SPIDR: variants seen among roughly 807,000 people sequenced by gnomAD.
SPIDR encodes the protein DNA repair-scaffolding protein.
Under a neutral mutation model 104.6 loss-of-function variants are expected in SPIDR, and 93 were observed. That is an observed-to-expected ratio of 0.89 (90% confidence interval 0.75 to 1.06). The LOEUF (loss-of-function observed/expected upper bound fraction) is 1.06, where lower values mean the gene tolerates loss of function less well. SPIDR is among the 50% of genes least tolerant of loss of function. The pLI is 0.00. For missense variants in SPIDR, 1,154 were observed against 1,111.2 expected (o/e 1.04, Z -0.55); for synonymous variants, 431 against 416.9 (o/e 1.03, Z -0.41).
intron 6 of SPIDR, among the ~76,000 whole-genome samples, chr8:47,403,053 G>A (rs557842155): frequency 1.8e-4 from 27 of 152,246 alleles, no homozygotes; most frequent in African/African-American, 5.3e-4. Flanking sequence ...TTCAGCATAC[G>A]CAAATCAGTA....
chr8:47,430,445 G>A (rs905272889), intron 7 of SPIDR, among the ~76,000 whole-genome samples: 2 of 152,138 alleles, frequency 1.3e-5, no homozygotes, highest in South Asian at 2.1e-4. Flanking sequence ...TATGGCAGGG[G>A]CCGGATTGAT....
intron 10 of SPIDR, among the ~76,000 whole-genome samples, chr8:47,647,661 AGAGAGAGG>A (rs1563416283): frequency 9.1e-5 from 13 of 143,362 alleles, no homozygotes; most frequent in South Asian, 6.9e-4. Context: ...AGAGGGAGAG[AGAGAGAGG>A]GAGAGAGGGA....
intron 8 of SPIDR, among the ~76,000 whole-genome samples, chr8:47,564,709 G>T (rs892638472): frequency 6.6e-6 from 1 of 151,038 alleles, no homozygotes; most frequent in Admixed American, 6.6e-5. Flanking sequence ...AAAGAATTCA[G>T]TAGTTAAGGA....
intron 8 of SPIDR, among the ~76,000 whole-genome samples, chr8:47,594,787 A>C (rs1488810267): frequency 6.6e-6 from 1 of 152,100 alleles, no homozygotes; most frequent in East Asian, 1.9e-4. Context: ...TGAAGTCAGG[A>C]GTTTGAGACC....
chr8:47,274,535 G>T (rs1240832379), intron 1 of SPIDR, among the ~76,000 whole-genome samples: 2 of 151,610 alleles, frequency 1.3e-5, no homozygotes, highest in South Asian at 2.1e-4. Context: ...TTGATAGTTT[G>T]GCCGGGAATA....
intron 5 of SPIDR, among the ~76,000 whole-genome samples, chr8:47,350,394 A>G (rs1554621616): frequency 1.3e-5 from 2 of 152,116 alleles, no homozygotes. Flanking sequence ...GCCCACTGCA[A>G]CCTCTACCTC....
chr8:47,553,495 G>C (rs2090884094), intron 8 of SPIDR, among the ~76,000 whole-genome samples: 1 of 151,930 alleles, frequency 6.6e-6, no homozygotes, highest in Admixed American at 6.6e-5. Flanking sequence ...TCATTCATTT[G>C]GTCTTCAATC....
chr8:47,503,785 T>G (rs1453014670), intron 8 of SPIDR, among the ~76,000 whole-genome samples: 2 of 152,204 alleles, frequency 1.3e-5, no homozygotes, highest in African/African-American at 4.8e-5. Context: ...GTTGTTCCTT[T>G]CCATGTTTAG....
intron 5 of SPIDR, among the ~76,000 whole-genome samples, chr8:47,375,803 A>G (rs1554642055): frequency 6.6e-6 from 1 of 152,130 alleles, no homozygotes; most frequent in Non-Finnish European, 1.5e-5. Context: ...TAAATCAGTA[A>G]GTTGTAGATG....
chr8:47,368,701 CTAATAACTT>C (rs1289710917), intron 5 of SPIDR, among the ~76,000 whole-genome samples: 18 of 152,274 alleles, frequency 1.2e-4, no homozygotes, highest in African/African-American at 4.3e-4. Context: ...GTTAATATCA[CTAATAACTT>C]TATACAGCCT....
intron 10 of SPIDR, among the ~76,000 whole-genome samples, chr8:47,634,561 C>CT (rs1349340689): frequency 6.6e-6 from 1 of 152,208 alleles, no homozygotes; most frequent in African/African-American, 2.4e-5. Context: ...AACCTCCACT[C>CT]TATAGAGACC....
chr8:47,316,266 G>A (rs1420544572), intron 5 of SPIDR, among the ~76,000 whole-genome samples: 3 of 152,152 alleles, frequency 2.0e-5, no homozygotes. Flanking sequence ...TGCTTTACTT[G>A]TCCCATTAGC....
At chr8:47,433,877 G>C (rs2067795665) in intron 7 of SPIDR, among the ~76,000 whole-genome samples, 1 of 147,260 alleles carries the variant, frequency 6.8e-6, no homozygotes, top group Non-Finnish European at 1.5e-5. Flanking sequence ...AAATTGTGTA[G>C]CATGTTGGGG....
rs1199676536 is a variant in SPIDR at position 47,700,467 on chromosome 8, G to C, written c.1750G>C (p.Gly584Arg). Reference protein sequence around the residue: ...WPPAIPLKTPGRDQPCEEIKT... With the variant: ...WPPAIPLKTPRRDQPCEEIKT... ...CCCAGCGATACCTCTGAAAACACCT[G>C]GCCGCGACCAGCCCTGTGAAGAGGT... Residue 584 changes from glycine (G) to arginine (R), a missense_variant, in exon 12 of 20, where the codon GGC becomes CGC. Physicochemically the swap from Gly to Arg is moderately radical, Grantham distance 125 (BLOSUM62 -2). Transcript: ENST00000297423. 1 of 1,614,198 alleles carries C rather than the reference G, an allele frequency of 6.2e-7. No homozygotes were observed. Among genetic ancestry groups the C allele is most frequent in the Non-Finnish European group, 8.5e-7 (1 of 1,180,038 alleles).
chr8:47,603,769 G>A (rs1285615907), intron 10 of SPIDR, among the ~76,000 whole-genome samples: 1 of 152,112 alleles, frequency 6.6e-6, no homozygotes, highest in Non-Finnish European at 1.5e-5. Context: ...ATTTTAAAGT[G>A]GAGAGTTAGT....
intron 17 of SPIDR, chr8:47,728,701 C>T: frequency 9.5e-6 from 4 of 419,122 alleles, no homozygotes; most frequent in Non-Finnish European, 1.7e-5. Context: ...CCCTCCTCTG[C>T]TCCCCTCTTC....
chr8:47,713,119 G>A (rs2154488637), intron 15 of SPIDR: 2 of 977,592 alleles, frequency 2.0e-6, no homozygotes, highest in South Asian at 5.3e-5. Context: ...ACCCCATACT[G>A]CTGCAGACTC....
chr8:47,619,641 G>A (rs1016508975), intron 10 of SPIDR, among the ~76,000 whole-genome samples: 2 of 151,222 alleles, frequency 1.3e-5, no homozygotes, highest in African/African-American at 4.9e-5. Flanking sequence ...TTAAGGGATG[G>A]GGTCTCACTC....
At chr8:47,419,657 C>T (rs2065049536) in intron 7 of SPIDR, among the ~76,000 whole-genome samples, 1 of 152,130 alleles carries the variant, frequency 6.6e-6, no homozygotes, top group Non-Finnish European at 1.5e-5. Context: ...TTGCCTTCTG[C>T]TAGCTGTTGA....
Sources: gnomAD v4.1 joint callset for allele counts (sites outside exome capture counted in the v4.1 genomes callset) on GRCh38, gnomAD v4.1.1 for gene constraint, MANE v1.5 for transcripts, NCBI Gene and HGNC (gene_info 2026-07-23, HGNC 2026-07-21) for gene names.